Variants in GLB1 observed in about 807,000 individuals in gnomAD.
The protein encoded by GLB1 is beta-galactosidase.
Under a neutral mutation model 74.0 loss-of-function variants are expected in GLB1, and 56 were observed. That is an observed-to-expected ratio of 0.76 (90% CI 0.61 to 0.94). The LOEUF (loss-of-function observed/expected upper bound fraction) is 0.94. Among genes scored for constraint, GLB1 ranks in the 40% least tolerant of loss-of-function variants. The pLI is 0.00. For missense variants in GLB1, 787 were observed against 845.5 expected (o/e 0.93, Z 0.86); for synonymous variants, 323 against 323.6 (o/e 1.00, Z 0.02).
chr3:33,032,154 C>T (rs1364941247), intron 10 of GLB1, among the ~76,000 whole-genome samples: 2 of 152,116 alleles, frequency 1.3e-5, no homozygotes, highest in Non-Finnish European at 2.9e-5. Flanking sequence ...GTTGTTAAAG[C>T]TTGGGATCCC....
intron 15 of GLB1, among the ~76,000 whole-genome samples, chr3:33,000,959 T>C (rs1364016769): frequency 1.3e-5 from 2 of 152,128 alleles, no homozygotes; most frequent in Admixed American, 6.5e-5. Flanking sequence ...CTCTAGAATC[T>C]AGGCTCTGCA....
chr3:33,022,807 G>A lies in GLB1; in HGVS notation c.1144-1152C>T, dbSNP rs546409959. Reference sequence around the variant, plus strand: ...ACTCCTGACCTCAGGTGATCCTCCCGCCTCGGCCTCCCAAAGTACTGGGAT... The same window carrying A: ...ACTCCTGACCTCAGGTGATCCTCCCACCTCGGCCTCCCAAAGTACTGGGAT... On this transcript the variant is annotated intron_variant, in intron 11 of 15. Transcript: ENST00000307363. Among the ~76,000 whole-genome samples the A allele has an allele frequency of 3.0e-4, 45 of 151,812 alleles. 1 individual carries two copies. The highest frequency in any genetic ancestry group is 1.7e-3 in the South Asian group (8 of 4,788).
In GLB1 at chr3:33,014,206, T is replaced by C. The variant is rs761521415; in HGVS notation, c.1584A>G (p.Gly528=). Residue 528 remains glycine (G), a synonymous_variant, in exon 15 of 16, where the codon GGA becomes GGG. Coordinates refer to ENST00000307363, the MANE Select transcript of GLB1 (RefSeq NM_000404.4). ...DAVCSHLGGW[G]HRDSGHHDEA... The stretch of plus-strand genomic sequence containing the variant: ...CATCATGGTGGCCACTGTCACGGTG[T>C]CCCCAGCCCCCCAGGTGGCTGCACA... 6.2e-7 allele frequency: 1 copy of C among 1,614,056 alleles called. No individual in the cohort carries two copies. The highest frequency in any genetic ancestry group is 1.7e-5 in the Admixed American group (1 of 60,010).
the GLB1 span, among the ~76,000 whole-genome samples, chr3:32,964,021 A>T: frequency 6.6e-6 from 1 of 152,204 alleles, no homozygotes; most frequent in African/African-American, 2.4e-5. Flanking sequence ...CAGTGCTTTG[A>T]AGAAGATGCT....
intron 10 of GLB1, among the ~76,000 whole-genome samples, chr3:33,045,118 T>C (rs1249490564): frequency 6.6e-6 from 1 of 152,220 alleles, no homozygotes; most frequent in African/African-American, 2.4e-5. Context: ...TTATTAGACA[T>C]ATATGTGTCA....
intron 1 of GLB1, chr3:33,076,987 G>C (rs925581932): frequency 8.9e-7 from 1 of 1,129,090 alleles, no homozygotes; most frequent in Non-Finnish European, 1.1e-6. Context: ...AATTTGGGAG[G>C]CCAAGGCAGG....
In GLB1 at chr3:33,065,336, A is replaced by G; in HGVS notation, c.552+127T>C. ...CAAATGCAATTGAACTAAAAGCACT[A>G]TCTGTGGCATTACCTCTTAAAGAAA... On this transcript the variant is annotated intron_variant, in intron 5 of 15. Coordinates refer to ENST00000307363, the MANE Select transcript of GLB1 (RefSeq NM_000404.4). 4.7e-6 allele frequency: 6 copies of G among 1,265,028 alleles called. No homozygotes were observed. In the South Asian group the frequency reaches 6.5e-5, roughly 14 times the overall value. The allele number at this position is 1,265,028 out of a possible 1,614,324, so 78.4% of individuals were successfully genotyped here.
intron 6 of GLB1, 26 bp downstream of exon 6, chr3:33,058,063 C>A: frequency 6.2e-7 from 1 of 1,612,634 alleles, no homozygotes; most frequent in Non-Finnish European, 8.5e-7. Context: ...TTTTAAGCTG[C>A]AATTTCTGTT....
rs1485878321 is a variant in GLB1, at chr3:33,068,910, A to T, written c.306T>A (p.His102Gln). ...WPGQYQFSED[H>Q]DVEYFLRLAH... ...CCAGCCGAAGAAAATATTCCACATCATGGTCCTCAGAAAACTGGTACTGTC... is the reference window on the plus strand; with the variant it reads ...CCAGCCGAAGAAAATATTCCACATCTTGGTCCTCAGAAAACTGGTACTGTC... Residue 102 changes from histidine (H) to glutamine (Q), a missense_variant, in exon 3 of 16, where the codon CAT becomes CAA. Coordinates refer to ENST00000307363, the MANE Select transcript of GLB1 (RefSeq NM_000404.4). 2 of 1,614,108 alleles carry T rather than the reference A, an allele frequency of 1.2e-6. No homozygotes were observed. The highest frequency in any genetic ancestry group is 1.6e-4 in the Middle Eastern group (1 of 6,062).
intron 15 of GLB1, among the ~76,000 whole-genome samples, chr3:33,009,821 ATT>A (rs1011414367): frequency 6.6e-6 from 1 of 152,138 alleles, no homozygotes; most frequent in African/African-American, 2.4e-5. Context: ...ATCTCTATGG[ATT>A]TGCCTTTTCT....
Position 33,006,599 on chromosome 3 carries a change from C to T in GLB1, c.1734+7457G>A, listed in dbSNP as rs542800040. On this transcript the variant is annotated intron_variant, in intron 15 of 15. Coordinates refer to ENST00000307363, the MANE Select transcript of GLB1 (RefSeq NM_000404.4). ...AGAACTCAGTGAGGTCAAAGCATTG[C>T]CCTGTGTCTGCTGGACAGAGCAGAA... is the stretch of plus-strand genomic sequence containing the variant. 1.0e-3 allele frequency among the ~76,000 whole-genome samples: 154 copies of T among 152,286 alleles called. 1 individual carries two copies. The highest frequency in any genetic ancestry group is 3.4e-3 in the African/African-American group (142 of 41,556).
chr3:33,023,498 G>C (rs533689658), intron 11 of GLB1, among the ~76,000 whole-genome samples: 22 of 151,676 alleles, frequency 1.5e-4, no homozygotes, highest in Admixed American at 3.3e-4. Context: ...TTTGCTTGAA[G>C]ATAAAAACTT....
At chr3:32,963,596 T>C in the GLB1 span, among the ~76,000 whole-genome samples, 2 of 151,516 alleles carry the variant, frequency 1.3e-5, no homozygotes, top group South Asian at 2.1e-4. Context: ...TCTTGGTACT[T>C]TTCTATATGG....
intron 14 of GLB1, among the ~76,000 whole-genome samples, chr3:33,015,547 C>T (rs1697205375): frequency 1.3e-5 from 2 of 152,252 alleles, no homozygotes; most frequent in South Asian, 4.1e-4. Flanking sequence ...TCTCGATTGC[C>T]CATTTAATAA....
At chr3:32,983,639 T>C in the GLB1 span, among the ~76,000 whole-genome samples, 1 of 152,120 alleles carries the variant, frequency 6.6e-6, no homozygotes, top group Non-Finnish European at 1.5e-5. Context: ...TGATTATATT[T>C]GGCTGGGGCT....
chr3:32,997,406 G>A, intron 15 of GLB1, 62 bp from the exon 16 acceptor site: 2 of 1,603,968 alleles, frequency 1.2e-6, no homozygotes, highest in South Asian at 2.2e-5. Flanking sequence ...GAGGAAGGTG[G>A]GGGCCCTGAT....
chr3:32,977,733 G>A, the GLB1 span, among the ~76,000 whole-genome samples: 1 of 152,134 alleles, frequency 6.6e-6, no homozygotes, highest in African/African-American at 2.4e-5. Flanking sequence ...GGTAAACAAA[G>A]AACTATAATA....
chr3:33,055,657 T>C (rs2125528804), intron 6 of GLB1, among the ~76,000 whole-genome samples: 1 of 151,582 alleles, frequency 6.6e-6, no homozygotes, highest in South Asian at 2.1e-4. Context: ...TTAGTGGAGA[T>C]GGGGTTTCAC....
the GLB1 span, among the ~76,000 whole-genome samples, chr3:32,968,165 G>A: frequency 3.3e-5 from 5 of 152,168 alleles, no homozygotes; most frequent in East Asian, 3.8e-4. Flanking sequence ...CAGCCCTTAC[G>A]GGAAGAGAAG....
Sources: gnomAD v4.1 joint callset for allele counts (sites outside exome capture counted in the v4.1 genomes callset) on GRCh38, gnomAD v4.1.1 for gene constraint, MANE v1.5 for transcripts, NCBI Gene and HGNC (gene_info 2026-07-23, HGNC 2026-07-21) for gene names.